The following PIWIL2 variants were observed in gnomAD, a reference collection of about 807,000 sequenced individuals.
The protein encoded by PIWIL2 is piwi-like protein 2.
In PIWIL2, 81 loss-of-function variants were observed where a neutral mutation model predicts 116.5. The ratio of observed to expected loss-of-function variants is 0.70; its 90% CI spans 0.58 to 0.84. The LOEUF (loss-of-function observed/expected upper bound fraction) is 0.84. PIWIL2 is among the 40% of genes least tolerant of loss of function. PIWIL2 has a pLI of 0.00. For synonymous variants in PIWIL2, 489 were observed against 429.5 expected, an observed-to-expected ratio of 1.14 and a Z score of -1.71; for missense variants, 1,272 against 1,212.3, an observed-to-expected ratio of 1.05 and a Z score of -0.73.
chr8:22,314,503 T>G (rs1433105155), intron 17 of PIWIL2, 74 bp downstream of exon 17: 1 of 679,540 alleles, frequency 1.5e-6, no homozygotes, highest in African/African-American at 1.8e-5. Context: ...GGGATATGTG[T>G]GTTCACAAAG....
rs996475609 is a variant in PIWIL2 at position 22,315,271 on chromosome 8, C to G, written c.2208+126C>G. ...CTCAGTAGTCTAAATGGCTCCCTGC[C>G]TCTTCAGCCCATTATCTAAGAATGG... On this transcript the variant is annotated intron_variant, in intron 18 of 22. Transcript: ENST00000356766. 7 of 617,616 alleles carry G rather than the reference C, an allele frequency of 1.1e-5. No homozygotes were observed. In the African/African-American group the frequency reaches 1.3e-4, roughly 11 times the overall value. The allele number at this position is 617,616 out of a possible 1,614,324, so 38.3% of individuals were successfully genotyped here.
At chr8:22,300,694 A>G (rs1042000764) in intron 10 of PIWIL2, among the ~76,000 whole-genome samples, 10 of 152,146 alleles carry the variant, frequency 6.6e-5, no homozygotes, top group African/African-American at 2.4e-4. Context: ...AGAAATTTTA[A>G]CCAGTGTACA....
At chr8:22,307,382 A>C (rs978482638) in intron 13 of PIWIL2, among the ~76,000 whole-genome samples, 1 of 151,920 alleles carries the variant, frequency 6.6e-6, no homozygotes, top group African/African-American at 2.4e-5. Context: ...TCTTATAGGA[A>C]TTTTAAAGTC....
At position 22,290,242 on chromosome 8, in the gene PIWIL2, C is replaced by A. The variant is rs371812001; in HGVS notation, c.1077C>A (p.Ile359=). 3.7e-6 allele frequency: 6 copies of A among 1,602,062 alleles called. No homozygotes were observed. The African/African-American group carries it at 8.0e-5, about 21-fold the overall frequency. Residue 359 remains isoleucine, a synonymous_variant, in exon 10 of 23, where the codon ATC becomes ATA. Coordinates refer to ENST00000356766, the MANE Select transcript of PIWIL2 (RefSeq NM_018068.5). ...CCACCTCTCTCTCCAGATTGCAGAT[C>A]TGGCCAGGCTATGCAGCTAGCATCC... ...AMVLQQHRLQ[I]WPGYAASIRR... is the part of the protein sequence containing the mutation.
At chr8:22,295,330 T>C (rs1331035175) in intron 10 of PIWIL2, among the ~76,000 whole-genome samples, 1 of 114,272 alleles carries the variant, frequency 8.8e-6, no homozygotes, top group Non-Finnish European at 1.7e-5. Flanking sequence ...TGTGCCACTA[T>C]GCTCAGCTTT....
chr8:22,316,379 G>A, intron 19 of PIWIL2, 46 bp downstream of exon 19: 1 of 1,069,292 alleles, frequency 9.4e-7, no homozygotes, highest in Non-Finnish European at 1.5e-6. Context: ...TTTCATTTTA[G>A]TGCCTAATCT....
chr8:22,356,816 T>C lies in PIWIL2; in HGVS notation c.*1311T>C, dbSNP rs1286897267. ...ATGGTTAGAAAGTTATCACATACCA[T>C]GGGTTTCAGTGTTTTTGGAAACCCG... On this transcript the variant is annotated 3_prime_UTR_variant, in exon 23 of 23. Coordinates refer to ENST00000356766, the MANE Select transcript of PIWIL2 (RefSeq NM_018068.5). The C allele has an allele frequency of 2.6e-5, 4 of 152,204 alleles. No individual in the cohort carries two copies. The highest frequency in any genetic ancestry group is 5.9e-5 in the Non-Finnish European group (4 of 68,040). 9.4% of individuals were successfully genotyped at this position (152,204 alleles called of 1,614,324 possible). A position where few individuals can be genotyped will look rare whatever the true frequency, so the allele number is the denominator to read the frequency against.
chr8:22,302,461 G>A (rs1831073904), intron 10 of PIWIL2, among the ~76,000 whole-genome samples: 1 of 152,154 alleles, frequency 6.6e-6, no homozygotes, highest in South Asian at 2.1e-4. Flanking sequence ...TTACAGGTGT[G>A]AGCTACTGCG....
At chr8:22,351,137 C>T (rs901161544) in intron 20 of PIWIL2, among the ~76,000 whole-genome samples, 3 of 151,402 alleles carry the variant, frequency 2.0e-5, no homozygotes, top group African/African-American at 7.3e-5. Flanking sequence ...GGCAACAGAG[C>T]GAGACTCTGT....
intron 15 of PIWIL2, among the ~76,000 whole-genome samples, chr8:22,310,873 GT>G (rs1264174954): frequency 2.6e-5 from 4 of 152,120 alleles, no homozygotes; most frequent in African/African-American, 9.7e-5. Context: ...GTGTTAGTGA[GT>G]TTCATCCTGT....
At chr8:22,288,746 GA>G in intron 8 of PIWIL2, 80 bp downstream of exon 8, 1 of 1,258,690 alleles carries the variant, frequency 7.9e-7, no homozygotes, top group Non-Finnish European at 1.1e-6. Flanking sequence ...TACTTGGATG[GA>G]AATACGTGAC....
At position 22,291,384 on chromosome 8, in the gene PIWIL2, C is replaced by T. The variant is rs564819330; in HGVS notation, c.1181+1038C>T. ...CAGGCTCGTCTTGAACTCCTGAGCT[C>T]AGGAGATCTGCCCGCCTCAGCCTCC... On this transcript the variant is annotated intron_variant, in intron 10 of 22. Coordinates refer to ENST00000356766, the MANE Select transcript of PIWIL2 (RefSeq NM_018068.5). Among the ~76,000 whole-genome samples the T allele has an allele frequency of 1.7e-3, 263 of 152,184 alleles. 1 individual carries two copies. Among genetic ancestry groups the T allele is most frequent in the Admixed American group, 4.1e-3 (63 of 15,276 alleles).
intron 16 of PIWIL2, among the ~76,000 whole-genome samples, 177 bp downstream of exon 16, chr8:22,311,477 TTC>T (rs1586567064): frequency 6.6e-6 from 1 of 152,266 alleles, no homozygotes; most frequent in East Asian, 1.9e-4. Context: ...TTAATTTTGC[TTC>T]TCTCACTCTG....
chr8:22,276,411 G>T (rs998501449), intron 1 of PIWIL2, among the ~76,000 whole-genome samples: 2 of 152,174 alleles, frequency 1.3e-5, no homozygotes, highest in African/African-American at 4.8e-5. Context: ...CGCCTCCCAG[G>T]TTCAAGCGAT....
intron 13 of PIWIL2, among the ~76,000 whole-genome samples, chr8:22,306,929 TAAAG>T (rs935241643): frequency 3.3e-5 from 5 of 152,162 alleles, no homozygotes; most frequent in African/African-American, 7.2e-5. Flanking sequence ...CTCAGAAGAA[TAAAG>T]AAAGAACTCA....
Position 22,278,950 on chromosome 8 carries a change from AG to A in PIWIL2, c.-46-388del, listed in dbSNP as rs545308394. 3.5e-3 allele frequency among the ~76,000 whole-genome samples: 536 copies of A among 152,338 alleles called. 2 individuals are homozygous for A. The highest frequency in any genetic ancestry group is 5.6e-3 in the Non-Finnish European group (379 of 68,036). ...CAGCTAGTTGCAGGAAAACAAGATCAGGGCTCCCACTGATTCTACATTATGG... is the reference window on the plus strand; with the variant it reads ...CAGCTAGTTGCAGGAAAACAAGATCAGGCTCCCACTGATTCTACATTATGG... On this transcript the variant is annotated intron_variant, in intron 1 of 22. Transcript: ENST00000356766.
In PIWIL2 at chr8:22,309,585, C is replaced by G. The variant is rs1314787128; in HGVS notation, c.1687-376C>G. Among the ~76,000 whole-genome samples, 64 of 152,180 alleles carry G rather than the reference C, an allele frequency of 4.2e-4. 1 individual carries two copies. The highest frequency in any genetic ancestry group is 7.3e-5 in the Non-Finnish European group (5 of 68,036). On this transcript the variant is annotated intron_variant, in intron 14 of 22. Transcript: ENST00000356766. Reference sequence around the variant, plus strand: ...AACTCCTGACCTCAAGTGATCTGCCCTCCTCGGCCTCCCAAAGTGCTGGGA... The same window carrying G: ...AACTCCTGACCTCAAGTGATCTGCCGTCCTCGGCCTCCCAAAGTGCTGGGA...
At chr8:22,316,691 A>G (rs2132054265) in intron 19 of PIWIL2, among the ~76,000 whole-genome samples, 1 of 152,236 alleles carries the variant, frequency 6.6e-6, no homozygotes, top group Non-Finnish European at 1.5e-5. Context: ...CATGTTGGCC[A>G]GGCTGGTCTT....
intron 16 of PIWIL2, 91 bp downstream of exon 16, chr8:22,311,391 TTGA>T (rs1831327326): frequency 7.9e-6 from 8 of 1,015,662 alleles, no homozygotes; most frequent in Non-Finnish European, 1.0e-5. Context: ...CAGTCTGCTG[TTGA>T]TGATGCCCTA....
Sources: gnomAD v4.1 joint callset for allele counts (sites outside exome capture counted in the v4.1 genomes callset) on GRCh38, gnomAD v4.1.1 for gene constraint, MANE v1.5 for transcripts, NCBI Gene and HGNC (gene_info 2026-07-23, HGNC 2026-07-21) for gene names.